NIPA1: variants seen among roughly 807,000 people sequenced by gnomAD.
The protein encoded by NIPA1 is magnesium transporter NIPA1.
In NIPA1, 13 loss-of-function variants were observed where a neutral mutation model predicts 23.9. The ratio of observed to expected loss-of-function variants is 0.54; its 90% CI spans 0.35 to 0.87. NIPA1 has a LOEUF of 0.87. NIPA1 is among the 40% of genes least tolerant of loss of function. The probability of loss-of-function intolerance (pLI) is 0.01; values close to 1 mark genes in which losing one functional copy is unlikely to be tolerated. For missense variants in NIPA1, 362 were observed against 429.7 expected (o/e 0.84, Z 1.39); for synonymous variants, 234 against 202.9 (o/e 1.15, Z -1.30).
At chr15:22,793,886 A>G (rs1236313111) in intron 1 of NIPA1, among the ~76,000 whole-genome samples, 1 of 152,032 alleles carries the variant, frequency 6.6e-6, no homozygotes, top group Non-Finnish European at 1.5e-5. Context: ...GTAAATATGT[A>G]GATTTATTTC....
Position 22,812,188 on chromosome 15 carries a change from C to G in NIPA1, c.252C>G (p.Phe84Leu). 1 of 1,613,652 alleles carries G rather than the reference C, an allele frequency of 6.2e-7. No individual in the cohort carries two copies. Among genetic ancestry groups the G allele is most frequent in the South Asian group, 1.1e-5 (1 of 91,068 alleles). The change falls in exon 3 of 5, where the codon TTC (phenylalanine) becomes TTG (leucine). Residue 84 changes from phenylalanine to leucine, a missense_variant. This residue lies in a region of NIPA1 where 277 missense variants were observed against 372.0 expected (regional missense o/e 0.74). Transcript: ENST00000337435. ...TGGCTGTTGGCCAGATTGGAAACTT[C>G]CTGGCTTACACGGCGGTCCCCACGG... ...IAMAVGQIGN[F>L]LAYTAVPTVL...
chr15:22,813,907 G>A (rs879175950), intron 3 of NIPA1, among the ~76,000 whole-genome samples: 3 of 152,250 alleles, frequency 2.0e-5, no homozygotes, highest in South Asian at 2.1e-4. Flanking sequence ...TCTGTGACCC[G>A]TCCCCCTGAA....
chr15:22,794,193 AAGTC>A (rs1266277099), intron 1 of NIPA1, among the ~76,000 whole-genome samples: 3 of 152,012 alleles, frequency 2.0e-5, no homozygotes, highest in Non-Finnish European at 4.4e-5. Flanking sequence ...ATGATAGCAA[AAGTC>A]AGTTCTCACA....
intron 3 of NIPA1, among the ~76,000 whole-genome samples, chr15:22,815,621 C>T (rs777554590): frequency 9.9e-5 from 15 of 151,454 alleles, no homozygotes; most frequent in African/African-American, 2.9e-4. Context: ...GTCCCTCCCC[C>T]GCCCCCCAAA....
rs1262317840 is a variant in NIPA1 at position 22,827,413 on chromosome 15, A to T, written c.*3174A>T. 6.6e-6 allele frequency: 1 copy of T among 152,184 alleles called. No homozygotes were observed. The highest frequency in any genetic ancestry group is 2.4e-5 in the African/African-American group (1 of 41,436). 9.4% of individuals were successfully genotyped at this position (152,184 alleles called of 1,614,324 possible). ...CTGTGGAGAAGGTGCTGGGGAGGGA[A>T]GTCCTTCCAGTGCCACATGGAGTGA... On this transcript the variant is annotated 3_prime_UTR_variant, in exon 5 of 5. Transcript: ENST00000337435.
At chr15:22,794,666 C>T (rs1006322950) in intron 1 of NIPA1, among the ~76,000 whole-genome samples, 11 of 152,046 alleles carry the variant, frequency 7.2e-5, no homozygotes, top group African/African-American at 2.2e-4. Flanking sequence ...CATTTCGAGT[C>T]CCCAAGCCTT....
chr15:22,824,562 A>G lies in NIPA1; in HGVS notation c.*323A>G. On this transcript the variant is annotated 3_prime_UTR_variant, in exon 5 of 5. Transcript: ENST00000337435. This position sits in a 1 kb window ranked among gnomAD's most constrained non-coding sequence, Gnocchi z 4.1. The stretch of plus-strand genomic sequence containing the variant: ...TTTAACATTATTTAAACAGAAAAAG[A>G]TGGGCTCTTTCTGGTTAGTTGTTAC... 1 of 342,082 alleles carries G rather than the reference A, an allele frequency of 2.9e-6. No homozygotes were observed. The highest frequency in any genetic ancestry group is 5.5e-6 in the Non-Finnish European group (1 of 181,162). The allele number at this position is 342,082 out of a possible 1,614,324, so 21.2% of individuals were successfully genotyped here.
At chr15:22,810,473 T>C (rs1420362810) in intron 1 of NIPA1, among the ~76,000 whole-genome samples, 1 of 152,120 alleles carries the variant, frequency 6.6e-6, no homozygotes, top group African/African-American at 2.4e-5. Context: ...TTGTGGTAGC[T>C]TGTTGGGTGA....
rs34811722 is a variant in NIPA1 at position 22,803,675 on chromosome 15, A to ATT, written c.179-7053_179-7052dup. 4.8e-3 allele frequency among the ~76,000 whole-genome samples: 342 copies of ATT among 71,060 alleles called. 11 individuals carry two copies. The highest frequency in any genetic ancestry group is 9.3e-3 in the Middle Eastern group (1 of 108). 46.6% of individuals were successfully genotyped at this position (71,060 alleles called of 152,430 possible). On this transcript the variant is annotated intron_variant, in intron 1 of 4. Transcript: ENST00000337435. ...AGGCACCTGCTACCGGGCCCGGCTA[A>ATT]TTTTTTTTTTTTTTTTTTTTTTGAG...
chr15:22,793,357 C>CAAAA (rs1163603849), intron 1 of NIPA1, among the ~76,000 whole-genome samples: 16,323 of 72,506 alleles, frequency 0.23, 2,854 homozygotes, highest in Admixed American at 0.27. Flanking sequence ...GACTGTGTCT[C>CAAAA]AAAAAAAAAA....
intron 1 of NIPA1, among the ~76,000 whole-genome samples, 182 bp downstream of exon 1, chr15:22,787,016 G>A (rs1410830931): frequency 6.6e-6 from 1 of 151,776 alleles, no homozygotes; most frequent in Admixed American, 6.6e-5. Flanking sequence ...GCCGCGTCCT[G>A]GCGCTCGGGC....
chr15:22,789,037 A>C (rs749373649), intron 1 of NIPA1, among the ~76,000 whole-genome samples: 21 of 150,190 alleles, frequency 1.4e-4, no homozygotes, highest in Non-Finnish European at 2.2e-4. Flanking sequence ...CTTGTTGCCC[A>C]GGCTGGAGTG....
At chr15:22,799,221 T>C (rs1299324828) in intron 1 of NIPA1, among the ~76,000 whole-genome samples, 2 of 152,134 alleles carry the variant, frequency 1.3e-5, no homozygotes, top group Non-Finnish European at 2.9e-5. Context: ...ATGTGACACA[T>C]ATACACATAT....
chr15:22,796,984 G>A (rs1386683215), intron 1 of NIPA1, among the ~76,000 whole-genome samples: 2 of 151,904 alleles, frequency 1.3e-5, no homozygotes, highest in African/African-American at 4.8e-5. Flanking sequence ...ATGGTGGTTC[G>A]GAAAGTGGAA....
At chr15:22,814,657 C>T (rs879146748) in intron 3 of NIPA1, among the ~76,000 whole-genome samples, 1 of 152,158 alleles carries the variant, frequency 6.6e-6, no homozygotes, top group South Asian at 2.1e-4. Context: ...CAAATAGGTT[C>T]ATTTCTTTCT....
In NIPA1 at chr15:22,827,997, A is replaced by G. The variant is rs1895685092; in HGVS notation, c.*3758A>G. 6.6e-6 allele frequency: 1 copy of G among 152,256 alleles called. No homozygotes were observed. Among genetic ancestry groups the G allele is most frequent in the African/African-American group, 2.4e-5 (1 of 41,416 alleles). 9.4% of individuals were successfully genotyped at this position (152,256 alleles called of 1,614,324 possible). ...GCCGCTTCGACCTGACACCTGCTCG[A>G]TGCTGACTTAGGCTTCCTGCCACCA... On this transcript the variant is annotated 3_prime_UTR_variant, in exon 5 of 5. Coordinates refer to ENST00000337435, the MANE Select transcript of NIPA1 (RefSeq NM_144599.5).
rs1345461240 is a variant in NIPA1, at chr15:22,826,673, T to C, written c.*2434T>C. On this transcript the variant is annotated 3_prime_UTR_variant, in exon 5 of 5. Coordinates refer to ENST00000337435, the MANE Select transcript of NIPA1 (RefSeq NM_144599.5). The stretch of plus-strand genomic sequence containing the variant: ...TGAGAGGTGATACCCGATGATCTTC[T>C]CTATAATATTCTTAGAGTAAAACAA... 1 of 152,192 alleles carries C rather than the reference T, an allele frequency of 6.6e-6. No homozygotes were observed. Among genetic ancestry groups the C allele is most frequent in the African/African-American group, 2.4e-5 (1 of 41,444 alleles). The allele number at this position is 152,192 out of a possible 1,614,324, so 9.4% of individuals were successfully genotyped here. A position where few individuals can be genotyped will look rare whatever the true frequency, so the allele number is the denominator to read the frequency against.
intron 1 of NIPA1, among the ~76,000 whole-genome samples, chr15:22,803,410 A>G (rs995072365): frequency 6.6e-6 from 1 of 151,126 alleles, no homozygotes; most frequent in Non-Finnish European, 1.5e-5. Context: ...AACCATACAG[A>G]TATATGTTAT....
At chr15:22,807,782 T>TGTGTGTGTGTGTGTGTGTGTGTGTGTG (rs1555372971) in intron 1 of NIPA1, among the ~76,000 whole-genome samples, 15 of 145,932 alleles carry the variant, frequency 1.0e-4, no homozygotes, top group African/African-American at 2.6e-4. Flanking sequence ...TTAAATTCAC[T>TGTGTGTGTGTGTGTGTGTGTGTGTGTG]TGTGTGTGTG....
Sources: allele counts gnomAD v4.1 joint callset (sites outside exome capture counted in the v4.1 genomes callset), GRCh38; gene constraint gnomAD v4.1.1; regional missense constraint gnomAD v4.1.1; non-coding constraint Gnocchi (gnomAD v3.1); transcripts MANE v1.5; gene names NCBI Gene and HGNC (gene_info 2026-07-23, HGNC 2026-07-21).